The following ADAMTS3 variants were observed in gnomAD, a reference collection of about 807,000 sequenced individuals.
ADAMTS3 encodes A disintegrin and metalloproteinase with thrombospondin motifs 3.
In ADAMTS3, 73 loss-of-function variants were observed where a neutral mutation model predicts 129.0. The observed-to-expected ratio is 0.57, with a 90% confidence interval of 0.47 to 0.69. The LOEUF (loss-of-function observed/expected upper bound fraction) is 0.69, where lower values mean the gene tolerates loss of function less well. Ranked by LOEUF, ADAMTS3 falls within the 30% of genes least tolerant of loss-of-function variation. ADAMTS3 has a pLI of 0.00. For missense variants in ADAMTS3, 1,457 were observed against 1,514.5 expected (o/e 0.96, Z 0.63); for synonymous variants, 477 against 510.8 (o/e 0.93, Z 0.89).
intron 2 of ADAMTS3, among the ~76,000 whole-genome samples, chr4:72,550,006 A>G (rs868680622): frequency 0.11 from 689 of 6,208 alleles, 49 homozygotes; most frequent in South Asian, 0.33. Flanking sequence ...AAGAGGAAGA[A>G]GAAGAAGAAG....
chr4:72,313,329 G>T lies in ADAMTS3; in HGVS notation c.1745+348C>A, dbSNP rs73824531. On this transcript the variant is annotated intron_variant, in intron 12 of 21. Transcript: ENST00000286657. ...AGAGAGAGTCTGTATGCTTGGTACCGCTCTTTCCTGGACACTCTCTTGTTT... is the reference window on the plus strand; with the variant it reads ...AGAGAGAGTCTGTATGCTTGGTACCTCTCTTTCCTGGACACTCTCTTGTTT... Among the ~76,000 whole-genome samples, 3 of 152,218 alleles carry T rather than the reference G, an allele frequency of 2.0e-5. No homozygotes were observed. The South Asian group carries it at 6.2e-4, about 32-fold the overall frequency.
intron 21 of ADAMTS3, among the ~76,000 whole-genome samples, chr4:72,284,102 A>G (rs1560457554): frequency 6.6e-6 from 1 of 152,256 alleles, no homozygotes; most frequent in South Asian, 2.1e-4. Context: ...CTCAGAGGGT[A>G]CTCCCTACAT....
intron 17 of ADAMTS3, among the ~76,000 whole-genome samples, chr4:72,298,918 A>C (rs1718879709): frequency 6.6e-6 from 1 of 151,926 alleles, no homozygotes; most frequent in South Asian, 2.1e-4. Flanking sequence ...TTGTGATGAT[A>C]AAGATAGTAA....
At chr4:72,381,212 C>T (rs1721280384) in intron 4 of ADAMTS3, among the ~76,000 whole-genome samples, 1 of 152,074 alleles carries the variant, frequency 6.6e-6, no homozygotes, top group African/African-American at 2.4e-5. Flanking sequence ...ACAGCAAAAC[C>T]TATGTGCATT....
chr4:72,364,503 T>C (rs1227249003), intron 4 of ADAMTS3, among the ~76,000 whole-genome samples: 1 of 151,650 alleles, frequency 6.6e-6, no homozygotes, highest in Non-Finnish European at 1.5e-5. Context: ...TAATCCCAGC[T>C]ACTCAGGAGG....
intron 4 of ADAMTS3, among the ~76,000 whole-genome samples, chr4:72,346,647 G>A (rs914375837): frequency 6.6e-6 from 1 of 152,044 alleles, no homozygotes; most frequent in African/African-American, 2.4e-5. Flanking sequence ...TAAAATATAA[G>A]ATAAACAACA....
intron 17 of ADAMTS3, among the ~76,000 whole-genome samples, chr4:72,300,959 T>C (rs577755470): frequency 6.6e-6 from 1 of 152,306 alleles, no homozygotes; most frequent in East Asian, 1.9e-4. Context: ...ACTCATCAGA[T>C]ACTCTATGCC....
At position 72,319,863 on chromosome 4, in the gene ADAMTS3, G is replaced by T. The variant is rs765160226; in HGVS notation, c.1203C>A (p.Gly401=). The change falls in exon 8 of 22, where the codon GGC becomes GGA. Residue 401 remains glycine, a synonymous_variant. Transcript: ENST00000286657. ...SSAFVVAHET[G]HVLGMEHDGQ... The stretch of plus-strand genomic sequence containing the variant: ...AGCTGTCAGCAGTGACTTACACATG[G>T]CCCGTTTCATGGGCTACTACAAAAG... The T allele has an allele frequency of 1.9e-6, 3 of 1,611,968 alleles. No homozygotes were observed. The South Asian group carries it at 3.3e-5, about 18-fold the overall frequency.
intron 3 of ADAMTS3, among the ~76,000 whole-genome samples, chr4:72,518,518 C>G (rs1404770734): frequency 1.3e-5 from 2 of 151,996 alleles, no homozygotes; most frequent in Non-Finnish European, 2.9e-5. Context: ...AATCTGGGTG[C>G]TCCTGTATTG....
chr4:72,298,755 T>G (rs1023493312), intron 17 of ADAMTS3, among the ~76,000 whole-genome samples: 1 of 151,758 alleles, frequency 6.6e-6, no homozygotes, highest in Non-Finnish European at 1.5e-5. Flanking sequence ...ATCTCCTTTT[T>G]AAAGGATTTT....
intron 4 of ADAMTS3, among the ~76,000 whole-genome samples, chr4:72,363,129 C>G (rs1268390027): frequency 6.6e-6 from 1 of 151,826 alleles, no homozygotes; most frequent in Non-Finnish European, 1.5e-5. Context: ...CATAAAATTG[C>G]CTTAAATGCA....
At chr4:72,524,713 A>G (rs535240702) in intron 3 of ADAMTS3, among the ~76,000 whole-genome samples, 2 of 152,268 alleles carry the variant, frequency 1.3e-5, no homozygotes, top group South Asian at 4.1e-4. Context: ...TAAAATCTTC[A>G]TTGTTAGTTT....
At chr4:72,477,537 A>G (rs1719274757) in intron 3 of ADAMTS3, among the ~76,000 whole-genome samples, 1 of 152,128 alleles carries the variant, frequency 6.6e-6, no homozygotes, top group African/African-American at 2.4e-5. Flanking sequence ...GACACACTCA[A>G]AGCAGTGTGT....
chr4:72,462,976 C>T (rs1215383408), intron 3 of ADAMTS3, among the ~76,000 whole-genome samples: 1 of 151,936 alleles, frequency 6.6e-6, no homozygotes, highest in Non-Finnish European at 1.5e-5. Flanking sequence ...CACAGTAACA[C>T]ATCGCTCACT....
At chr4:72,354,667 T>C (rs1720529568) in intron 4 of ADAMTS3, among the ~76,000 whole-genome samples, 1 of 152,032 alleles carries the variant, frequency 6.6e-6, no homozygotes, top group Admixed American at 6.6e-5. Flanking sequence ...TTCCAATGTC[T>C]TTTCATTGTT....
chr4:72,285,172 T>A (rs759061801), intron 21 of ADAMTS3, among the ~76,000 whole-genome samples: 1 of 152,206 alleles, frequency 6.6e-6, no homozygotes, highest in Non-Finnish European at 1.5e-5. Flanking sequence ...GCGAAGCCAA[T>A]AGAGGACTAA....
At chr4:72,444,293 T>C (rs1718194246) in intron 3 of ADAMTS3, among the ~76,000 whole-genome samples, 2 of 151,650 alleles carry the variant, frequency 1.3e-5, no homozygotes, top group Non-Finnish European at 3.0e-5. Context: ...TCCCAGCAAA[T>C]GACGCATGAT....
At chr4:72,558,497 C>A (rs1024610833) in intron 2 of ADAMTS3, among the ~76,000 whole-genome samples, 2 of 151,640 alleles carry the variant, frequency 1.3e-5, no homozygotes, top group African/African-American at 4.9e-5. Flanking sequence ...CCAGGATAAT[C>A]TCGCTATTTT....
intron 3 of ADAMTS3, among the ~76,000 whole-genome samples, chr4:72,519,059 C>G (rs1327566019): frequency 6.7e-6 from 1 of 150,162 alleles, no homozygotes; most frequent in Non-Finnish European, 1.5e-5. Flanking sequence ...TCAGCATTTG[C>G]TTGTCTGTAA....
Sources: gnomAD v4.1 joint callset for allele counts (sites outside exome capture counted in the v4.1 genomes callset) on GRCh38, gnomAD v4.1.1 for gene constraint, MANE v1.5 for transcripts, NCBI Gene and HGNC (gene_info 2026-07-23, HGNC 2026-07-21) for gene names.